Variants in MXRA8 observed in about 807,000 individuals in gnomAD.
MXRA8 encodes the protein matrix remodeling-associated protein 8.
In MXRA8, 44 loss-of-function variants were observed where a neutral mutation model predicts 51.4. The observed-to-expected ratio is 0.86, with a 90% CI of 0.67 to 1.10. The LOEUF (loss-of-function observed/expected upper bound fraction) is 1.10. Ranked by LOEUF, MXRA8 falls within the 50% of genes least tolerant of loss-of-function variation. The pLI, the probability that MXRA8 is intolerant of heterozygous loss-of-function variation, is 0.00. For missense variants in MXRA8, 765 were observed against 638.9 expected (o/e 1.20, Z -2.13); for synonymous variants, 369 against 293.5 (o/e 1.26, Z -2.63).
chr1:1,356,608 G>C (rs573426403), intron 2 of MXRA8, 73 bp downstream of exon 2: 8 of 1,155,570 alleles, frequency 6.9e-6, no homozygotes, highest in African/African-American at 3.3e-5. Context: ...GAGGACCCCC[G>C]GGGGCTGGGC....
At position 1,355,233 on chromosome 1, in the gene MXRA8, G is replaced by T; in HGVS notation, c.478+11C>A. On this transcript the variant is annotated intron_variant, in intron 4 of 9. Coordinates refer to ENST00000309212, the MANE Select transcript of MXRA8 (RefSeq NM_032348.4). ...GGGGCGGGAGCTGGGGGGCGGGGGGGAAGCACTCACGGCCGTCGGTGACCT... is the reference window on the plus strand; with the variant it reads ...GGGGCGGGAGCTGGGGGGCGGGGGGTAAGCACTCACGGCCGTCGGTGACCT... The T allele has an allele frequency of 6.5e-7, 1 of 1,539,526 alleles. No individual in the cohort carries two copies.
At position 1,353,248 on chromosome 1, in the gene MXRA8, A is replaced by C; in HGVS notation, c.*356T>G. On this transcript the variant is annotated 3_prime_UTR_variant, in exon 10 of 10. Coordinates refer to ENST00000309212, the MANE Select transcript of MXRA8 (RefSeq NM_032348.4). Reference sequence around the variant, plus strand: ...GAGTGGGACTCCTGCCCTGAGGCTGACCCCAGTTTTGGGGCTGCCAGGTTC... The same window carrying C: ...GAGTGGGACTCCTGCCCTGAGGCTGCCCCCAGTTTTGGGGCTGCCAGGTTC... 1 of 1,489,546 alleles carries C rather than the reference A, an allele frequency of 6.7e-7. No homozygotes were observed. Among genetic ancestry groups the C allele is most frequent in the Non-Finnish European group, 9.2e-7 (1 of 1,091,710 alleles). The allele number at this position is 1,489,546 out of a possible 1,614,324, so 92.3% of individuals were successfully genotyped here.
intron 1 of MXRA8, among the ~76,000 whole-genome samples, chr1:1,358,198 C>A (rs538057965): frequency 6.6e-6 from 1 of 152,202 alleles, no homozygotes; most frequent in African/African-American, 2.4e-5. Context: ...CCGAGGGAGA[C>A]GCCGCCGTGC....
At chr1:1,356,196 G>A (rs1644126572) in intron 2 of MXRA8, among the ~76,000 whole-genome samples, 1 of 137,386 alleles carries the variant, frequency 7.3e-6, no homozygotes, top group Non-Finnish European at 1.6e-5. Context: ...GGAATCATTG[G>A]GGGAGTGGTG....
chr1:1,354,677 T>A lies in MXRA8; in HGVS notation c.949+5A>T. 6.4e-7 allele frequency: 1 copy of A among 1,565,820 alleles called. No homozygotes were observed. Among genetic ancestry groups the A allele is most frequent in the Non-Finnish European group, 8.6e-7 (1 of 1,157,434 alleles). ...CTTCCCGGGTCCCAGGGAGGCCTCC[T>A]TCACCTGGGCCTGGGGCGCCGCTGT... On this transcript the variant is annotated splice_donor_5th_base_variant and intron_variant, in intron 5 of 9. Coordinates refer to ENST00000309212, the MANE Select transcript of MXRA8 (RefSeq NM_032348.4).
upstream of MXRA8, chr1:1,361,543 C>T (rs926745177): frequency 1.3e-5 from 7 of 523,212 alleles, no homozygotes; most frequent in Admixed American, 3.2e-5. Flanking sequence ...CCAGGCGCAG[C>T]CAGTGGCGGG....
At chr1:1,359,900 G>C (rs1325421589), upstream of MXRA8, among the ~76,000 whole-genome samples, 1 of 152,036 alleles carries the variant, frequency 6.6e-6, no homozygotes, top group Non-Finnish European at 1.5e-5. Context: ...CTCTCCTCCT[G>C]TTTTTCCAAC....
rs1448288763 is a variant in MXRA8 at position 1,352,967 on chromosome 1, G to C, written c.*637C>G. ...AGGGATGGGGCAGAGAAAGGGCAAG[G>C]GGTGCAGCCCCAGGTGGCCCAAAGC... On this transcript the variant is annotated 3_prime_UTR_variant, in exon 10 of 10. Transcript: ENST00000309212. 2.2e-6 allele frequency: 1 copy of C among 458,908 alleles called. No individual in the cohort carries two copies. The highest frequency in any genetic ancestry group is 2.0e-5 in the African/African-American group (1 of 49,194). The allele number at this position is 458,908 out of a possible 1,614,324, so 28.4% of individuals were successfully genotyped here.
upstream of MXRA8, chr1:1,361,292 G>A (rs746876280): frequency 2.0e-4 from 139 of 703,376 alleles, no homozygotes; most frequent in South Asian, 9.5e-4. Flanking sequence ...ACTTCCTGTC[G>A]TTCAGAAGCG....
At chr1:1,361,478 C>T (rs1644221660), upstream of MXRA8, 5 of 587,558 alleles carry the variant, frequency 8.5e-6, no homozygotes, top group East Asian at 1.4e-4. Flanking sequence ...CGGACGGACC[C>T]AAGGAAGCAA....
At chr1:1,359,358 T>G, upstream of MXRA8, 2 of 985,368 alleles carry the variant, frequency 2.0e-6, no homozygotes, top group Non-Finnish European at 2.4e-6. Flanking sequence ...TTTGAAACTG[T>G]GGGAAAACTT....
In MXRA8 at chr1:1,354,103, C is replaced by T. The variant is rs758905318; in HGVS notation, c.1149G>A (p.Lys383=). Reference sequence around the variant, plus strand: ...CAGCGAACTCCGCCAAGTTAACATCCTTCCTGGATGGCGAGGGTGGGAGGA... The same window carrying T: ...CAGCGAACTCCGCCAAGTTAACATCTTTCCTGGATGGCGAGGGTGGGAGGA... The part of the protein sequence containing the change: ...SDQKSGKSKG[K]DVNLAEFAVA... Residue 383 remains lysine (K), a synonymous_variant, in exon 8 of 10, where the codon AAG becomes AAA. Transcript: ENST00000309212. 3.1e-6 allele frequency: 5 copies of T among 1,612,806 alleles called. No individual in the cohort carries two copies. Among genetic ancestry groups the T allele is most frequent in the Non-Finnish European group, 4.2e-6 (5 of 1,179,986 alleles).
At position 1,354,519 on chromosome 1, in the gene MXRA8, A is replaced by C. The variant is rs1166978300; in HGVS notation, c.950-10T>G. The C allele has an allele frequency of 5.6e-6, 9 of 1,609,658 alleles. No individual in the cohort carries two copies. Among genetic ancestry groups the C allele is most frequent in the Non-Finnish European group, 7.6e-6 (9 of 1,178,506 alleles). ...CGCGCCAGTGTGGGGTCTGCGGGGA[A>C]CGCGGGGTCGGGGCGGCGTCAGGTA... is the stretch of plus-strand genomic sequence containing the variant. On this transcript the variant is annotated splice_polypyrimidine_tract_variant and intron_variant, in intron 5 of 9. Transcript: ENST00000309212.
In MXRA8 at chr1:1,358,549, T is replaced by C. The variant is rs781544927; in HGVS notation, c.-45A>G. ...GCTTTGTCCCACTCGGCTCTAAGTC[T>C]CTCTCCAGAAAAACAGCCCTACCCC... is the stretch of plus-strand genomic sequence containing the variant. On this transcript the variant is annotated 5_prime_UTR_variant, in exon 1 of 10. Transcript: ENST00000309212. The C allele has an allele frequency of 3.8e-6, 6 of 1,596,348 alleles. No homozygotes were observed. In the Admixed American group the frequency reaches 5.2e-5, roughly 14 times the overall value.
chr1:1,362,935 T>C (rs1359839388), upstream of MXRA8, among the ~76,000 whole-genome samples: 1 of 151,222 alleles, frequency 6.6e-6, no homozygotes, highest in Non-Finnish European at 1.5e-5. Flanking sequence ...TACAAAAAAT[T>C]AGCCAGGCGT....
At chr1:1,361,136 C>T (rs1436429377), upstream of MXRA8, 24 of 698,928 alleles carry the variant, frequency 3.4e-5, no homozygotes, top group African/African-American at 5.3e-5. Context: ...GACACACGGA[C>T]ACACAGAGAA....
chr1:1,355,316 T>G lies in MXRA8; in HGVS notation c.406A>C (p.Thr136Pro). Residue 136 changes from threonine (T) to proline (P), a missense_variant, in exon 4 of 10, where the codon ACC (threonine) becomes CCC (proline). Thr to Pro is a conservative substitution (Grantham distance 38). Transcript: ENST00000309212. ...CAGTAGTGATGGTGCAGGTTGCAGG[T>G]GTACAGCCCCGCGTCCGTCTCCTCC... ...AVEETDAGLY[T>P]CNLHHHYCHL... The G allele has an allele frequency of 2.5e-6, 4 of 1,578,986 alleles. No homozygotes were observed. The highest frequency in any genetic ancestry group is 3.4e-6 in the Non-Finnish European group (4 of 1,166,048).
At chr1:1,361,238 G>A (rs1402205253), upstream of MXRA8, 5 of 703,348 alleles carry the variant, frequency 7.1e-6, no homozygotes, top group East Asian at 2.7e-5. Context: ...ACAGAGACAC[G>A]GACCTGTGGC....
Position 1,354,408 on chromosome 1 carries a change from G to C in MXRA8, c.1051C>G (p.Leu351Val). The C allele has an allele frequency of 6.2e-7, 1 of 1,612,426 alleles. No individual in the cohort carries two copies. Among genetic ancestry groups the C allele is most frequent in the Non-Finnish European group, 8.5e-7 (1 of 1,179,862 alleles). ...QLGYVLATLL[L>V]FILLLVTVLL... The stretch of plus-strand genomic sequence containing the variant: ...ACAGTGACCAGTAGCAGGATGAAGA[G>C]CAGCAGCGTGGCCAGCACGTAGCCC... Residue 351 changes from leucine (L) to valine (V), a missense_variant, in exon 6 of 10, where the codon CTC (leucine) becomes GTC (valine). By Grantham distance (32) the Leu-to-Val change is conservative. Coordinates refer to ENST00000309212, the MANE Select transcript of MXRA8 (RefSeq NM_032348.4).
Sources: allele counts gnomAD v4.1 joint callset (sites outside exome capture counted in the v4.1 genomes callset), GRCh38; gene constraint gnomAD v4.1.1; transcripts MANE v1.5; gene names NCBI Gene and HGNC (gene_info 2026-07-23, HGNC 2026-07-21).